PKIB: variants seen among roughly 807,000 people sequenced by gnomAD.
PKIB encodes cAMP-dependent protein kinase inhibitor beta, also known as PKI-beta.
Under a neutral mutation model 4.5 loss-of-function variants are expected in PKIB, and 2 were observed. The observed-to-expected ratio is 0.44, with a 90% CI of 0.18 to 1.39. The LOEUF (loss-of-function observed/expected upper bound fraction) is 1.39. Among genes scored for constraint, PKIB ranks in the 40% most tolerant of loss-of-function variants. PKIB has a pLI of 0.27. For synonymous variants in PKIB, 38 were observed against 36.0 expected (o/e 1.06, Z -0.20); for missense variants, 94 against 92.6 (o/e 1.02, Z -0.06).
In PKIB at chr6:122,604,308, A is replaced by G. The variant is rs551680875; in HGVS notation, c.-161+18301A>G. 2.0e-5 allele frequency among the ~76,000 whole-genome samples: 3 copies of G among 152,334 alleles called. No individual in the cohort carries two copies. The East Asian group carries it at 5.8e-4, about 29-fold the overall frequency. ...CATACTCCCCAAACACATGGAGGAA[A>G]GTCTGTAAGATTGGATGGCAACTTG... On this transcript the variant is annotated intron_variant, in intron 3 of 6. Coordinates refer to the PKIB transcript ENST00000392491.
At chr6:122,696,852 G>A (rs1218022452) in intron 3 of PKIB, among the ~76,000 whole-genome samples, 1 of 152,200 alleles carries the variant, frequency 6.6e-6, no homozygotes, top group Non-Finnish European at 1.5e-5. Context: ...TGAACCTGAT[G>A]CCTTTTCTCC....
At chr6:122,519,867 C>T (rs1220422718) in intron 2 of PKIB, among the ~76,000 whole-genome samples, 2 of 152,226 alleles carry the variant, frequency 1.3e-5, no homozygotes, top group African/African-American at 2.4e-5. Flanking sequence ...CAGAGGACAT[C>T]ACATTAGTGG....
chr6:122,562,676 T>G (rs1378553547), intron 2 of PKIB, among the ~76,000 whole-genome samples: 1 of 152,204 alleles, frequency 6.6e-6, no homozygotes, highest in Non-Finnish European at 1.5e-5. Context: ...TCTTTGTCTT[T>G]ATTGGATTGG....
intron 2 of PKIB, among the ~76,000 whole-genome samples, chr6:122,646,412 C>T (rs2114864195): frequency 6.6e-6 from 1 of 152,172 alleles, no homozygotes; most frequent in African/African-American, 2.4e-5. Context: ...CATTTAACAG[C>T]CTTCTATTAT....
intron 2 of PKIB, among the ~76,000 whole-genome samples, chr6:122,539,905 C>G (rs763670819): frequency 1.0e-3 from 154 of 151,994 alleles, no homozygotes; most frequent in Non-Finnish European, 1.1e-3. Context: ...CTGGTTTAGT[C>G]TTGGGAGGGT....
intron 2 of PKIB, among the ~76,000 whole-genome samples, chr6:122,555,911 AG>A (rs1363284341): frequency 6.6e-6 from 1 of 152,212 alleles, no homozygotes; most frequent in Non-Finnish European, 1.5e-5. Flanking sequence ...ACAAAAGTTC[AG>A]GGGCTTGTCA....
rs186180245 is a variant in PKIB, at chr6:122,582,051, G to A, written c.-247-3870G>A. ...CTTTTACCACTATGAGCCATATAAC[G>A]TGATGTACATAGCAGTTGCTTGAAA... On this transcript the variant is annotated intron_variant, in intron 2 of 6. Coordinates refer to the PKIB transcript ENST00000392491. 3.7e-4 allele frequency among the ~76,000 whole-genome samples: 57 copies of A among 152,078 alleles called. 1 individual carries two copies. Among genetic ancestry groups the A allele is most frequent in the Admixed American group, 3.3e-3 (50 of 15,252 alleles).
chr6:122,567,075 G>C (rs183284724), intron 2 of PKIB, among the ~76,000 whole-genome samples: 11 of 152,306 alleles, frequency 7.2e-5, no homozygotes, highest in African/African-American at 2.4e-4. Flanking sequence ...TCAATAGGCT[G>C]TCACCAGCTG....
intron 2 of PKIB, among the ~76,000 whole-genome samples, chr6:122,571,552 T>G (rs1773367810): frequency 6.6e-6 from 1 of 152,230 alleles, no homozygotes; most frequent in African/African-American, 2.4e-5. Flanking sequence ...AGCAGATTTC[T>G]CAGCAGAAAC....
chr6:122,609,135 G>A (rs2114754298), upstream of PKIB, among the ~76,000 whole-genome samples: 1 of 152,196 alleles, frequency 6.6e-6, no homozygotes, highest in South Asian at 2.1e-4. Flanking sequence ...TGCAGTTTTT[G>A]CCAGTACTTT....
intron 3 of PKIB, chr6:122,717,435 G>A (rs993401910): frequency 1.6e-5 from 5 of 314,576 alleles, no homozygotes; most frequent in African/African-American, 4.3e-5. Context: ...CTCTACAGGA[G>A]TGGTCAAAAA....
Position 122,660,699 on chromosome 6 carries a change from G to A in PKIB, c.-75-14379G>A, listed in dbSNP as rs539701027. Among the ~76,000 whole-genome samples the A allele has an allele frequency of 5.3e-5, 8 of 152,218 alleles. No individual in the cohort carries two copies. The East Asian group carries it at 1.2e-3, about 22-fold the overall frequency. Reference sequence around the variant, plus strand: ...TTCCCCCAACCTTTGCAATTCTATAGCCTAAAGGATTAAGCTAAAATGATC... The same window carrying A: ...TTCCCCCAACCTTTGCAATTCTATAACCTAAAGGATTAAGCTAAAATGATC... On this transcript the variant is annotated intron_variant, in intron 2 of 4. Transcript: ENST00000368452.
chr6:122,505,032 A>C (rs949617403), intron 2 of PKIB, among the ~76,000 whole-genome samples: 2 of 152,210 alleles, frequency 1.3e-5, no homozygotes, highest in African/African-American at 4.8e-5. Context: ...TAGATCTAAG[A>C]AGCAGATGTT....
At chr6:122,592,257 A>C (rs1207887631) in intron 3 of PKIB, among the ~76,000 whole-genome samples, 1 of 152,152 alleles carries the variant, frequency 6.6e-6, no homozygotes, top group African/African-American at 2.4e-5. Context: ...AATTCTAAAA[A>C]TTTTTGCAAA....
At chr6:122,529,832 G>C (rs1777204257) in intron 2 of PKIB, among the ~76,000 whole-genome samples, 1 of 152,074 alleles carries the variant, frequency 6.6e-6, no homozygotes. Context: ...TATATGTGAT[G>C]AATCTCTTTT....
At chr6:122,717,658 G>A in intron 3 of PKIB, 129 bp from the exon 4 acceptor site, 1 of 869,960 alleles carries the variant, frequency 1.1e-6, no homozygotes, top group South Asian at 1.6e-5. Flanking sequence ...AGACATTGAT[G>A]AAGGTTGTGA....
At chr6:122,618,076 C>T (rs751732144) in intron 1 of PKIB, among the ~76,000 whole-genome samples, 6 of 152,046 alleles carry the variant, frequency 3.9e-5, no homozygotes, top group Non-Finnish European at 7.4e-5. Flanking sequence ...AATTTCAGAT[C>T]ATAAGGATAG....
chr6:122,635,343 C>T (rs1297568795), intron 2 of PKIB, among the ~76,000 whole-genome samples: 1 of 152,018 alleles, frequency 6.6e-6, no homozygotes, highest in Non-Finnish European at 1.5e-5. Flanking sequence ...AGCCTATGTC[C>T]TTGACCAGCT....
chr6:122,542,203 C>T (rs990817647), intron 2 of PKIB, among the ~76,000 whole-genome samples: 8 of 152,056 alleles, frequency 5.3e-5, no homozygotes, highest in African/African-American at 9.7e-5. Flanking sequence ...ATTGTCTGTC[C>T]AGCTTTGTTC....
Sources: gnomAD v4.1 joint callset for allele counts (sites outside exome capture counted in the v4.1 genomes callset) on GRCh38, gnomAD v4.1.1 for gene constraint, MANE v1.5 for transcripts, NCBI Gene and HGNC (gene_info 2026-07-23, HGNC 2026-07-21) for gene names.